Variants in METTL15 observed in about 807,000 individuals in gnomAD.
METTL15 encodes methyltransferase 15, mitochondrial 12S rRNA N4-cytidine.
METTL15 carries 34 observed loss-of-function variants against 38.3 expected under a neutral mutation model. That is an observed-to-expected ratio of 0.89 (90% CI 0.68 to 1.18). The LOEUF (loss-of-function observed/expected upper bound fraction) is 1.18, where lower values mean the gene tolerates loss of function less well. Among genes scored for constraint, METTL15 ranks in the 50% most tolerant of loss-of-function variants. METTL15 has a pLI of 0.00. For synonymous variants in METTL15, 162 were observed against 170.9 expected (o/e 0.95, Z 0.41); for missense variants, 438 against 498.4 (o/e 0.88, Z 1.15).
At chr11:28,232,103 A>C (rs776140795) in intron 4 of METTL15, among the ~76,000 whole-genome samples, 1 of 151,780 alleles carries the variant, frequency 6.6e-6, no homozygotes, top group Non-Finnish European at 1.5e-5. Context: ...TATCCAGACT[A>C]CTCTTTAAAA....
At chr11:28,265,306 A>C (rs1474535724) in intron 4 of METTL15, among the ~76,000 whole-genome samples, 1 of 151,674 alleles carries the variant, frequency 6.6e-6, no homozygotes, top group Non-Finnish European at 1.5e-5. Context: ...TCAGCTACTC[A>C]ATTAAACTGG....
intron 5 of METTL15, among the ~76,000 whole-genome samples, chr11:28,423,350 AC>A (rs887188743): frequency 2.6e-5 from 4 of 151,874 alleles, no homozygotes; most frequent in South Asian, 2.1e-4. Flanking sequence ...CTAGGTAGAT[AC>A]CCCCCCAAAA....
At chr11:28,369,206 A>G (rs1850219299) in intron 5 of METTL15, among the ~76,000 whole-genome samples, 4 of 152,062 alleles carry the variant, frequency 2.6e-5, no homozygotes, top group Admixed American at 2.0e-4. Context: ...ATCAAGCAGA[A>G]GAAAGAATCA....
chr11:28,135,142 A>G (rs1409856301), intron 3 of METTL15, among the ~76,000 whole-genome samples: 3 of 152,228 alleles, frequency 2.0e-5, no homozygotes, highest in East Asian at 1.9e-4. Flanking sequence ...AATAACAGGT[A>G]TATGATAAGT....
At chr11:28,457,399 T>C (rs184569378) in intron 6 of METTL15, among the ~76,000 whole-genome samples, 216 of 152,342 alleles carry the variant, frequency 1.4e-3, no homozygotes, top group Non-Finnish European at 2.0e-3. Flanking sequence ...TATGAGAAGA[T>C]CATGACAATA....
At chr11:28,399,849 T>A (rs1009639636) in intron 5 of METTL15, among the ~76,000 whole-genome samples, 2 of 151,946 alleles carry the variant, frequency 1.3e-5, no homozygotes, top group Non-Finnish European at 2.9e-5. Flanking sequence ...AAAGTCCTTT[T>A]CTAAACTTTT....
At chr11:28,474,990 ATCC>A (rs1378116215) in intron 6 of METTL15, among the ~76,000 whole-genome samples, 2 of 152,178 alleles carry the variant, frequency 1.3e-5, no homozygotes, top group Non-Finnish European at 2.9e-5. Flanking sequence ...GAGGTCCTCA[ATCC>A]TCTCTCTCTC....
At chr11:28,113,105 A>G (rs1473653972) in intron 2 of METTL15, among the ~76,000 whole-genome samples, 1 of 152,112 alleles carries the variant, frequency 6.6e-6, no homozygotes, top group Admixed American at 6.6e-5. Context: ...ATTGTATTTA[A>G]ATTATGTTTA....
chr11:28,459,157 TG>T lies in METTL15; in HGVS notation c.*424+34795del, dbSNP rs568297412. On this transcript the variant is annotated intron_variant and NMD_transcript_variant, in intron 6 of 7. Coordinates refer to the METTL15 transcript ENST00000532947. The stretch of plus-strand genomic sequence containing the variant: ...ATCTTTTGGTATTTCCTATCCAAAA[TG>T]GTAATTCAGCAAGCAAATTAATTGC... Among the ~76,000 whole-genome samples, 299 of 152,298 alleles carry T rather than the reference TG, an allele frequency of 2.0e-3. 1 individual carries two copies. Among genetic ancestry groups the T allele is most frequent in the Non-Finnish European group, 3.8e-3 (256 of 68,010 alleles).
chr11:28,287,711 A>G (rs1343247792), intron 4 of METTL15: 1 of 152,790 alleles, frequency 6.5e-6, no homozygotes, highest in Non-Finnish European at 1.5e-5. Flanking sequence ...CCTAGCCACA[A>G]GTTTCTCTCC....
intron 3 of METTL15, among the ~76,000 whole-genome samples, chr11:28,181,298 T>G (rs1166990497): frequency 7.3e-6 from 1 of 136,106 alleles, no homozygotes; most frequent in African/African-American, 2.6e-5. Context: ...GGGGTATACA[T>G]GCAGAACGTG....
At chr11:28,351,423 A>G (rs867524633) in intron 3 of METTL15, among the ~76,000 whole-genome samples, 3 of 152,160 alleles carry the variant, frequency 2.0e-5, no homozygotes, top group South Asian at 4.1e-4. Flanking sequence ...GCCCAAAGCT[A>G]TGAATTCAGA....
intron 4 of METTL15, among the ~76,000 whole-genome samples, chr11:28,213,084 C>T (rs568171155): frequency 3.7e-4 from 57 of 152,222 alleles, no homozygotes; most frequent in Middle Eastern, 3.4e-3. Flanking sequence ...GACAGACCTG[C>T]GACATGTATT....
chr11:28,227,014 G>C (rs1041829814), intron 4 of METTL15, among the ~76,000 whole-genome samples: 2 of 151,798 alleles, frequency 1.3e-5, no homozygotes, highest in Admixed American at 6.6e-5. Context: ...AAAACATTAC[G>C]AAAATAGGAT....
rs1590844925 is a variant in METTL15 at position 28,163,816 on chromosome 11, C to A, written c.271-47246C>A. The A allele has an allele frequency of 2.3e-5, 4 of 177,028 alleles. No individual in the cohort carries two copies. The East Asian group carries it at 5.5e-4, about 24-fold the overall frequency. The allele number at this position is 177,028 out of a possible 1,614,324, so 11.0% of individuals were successfully genotyped here. A position where few individuals can be genotyped will look rare whatever the true frequency, so the allele number is the denominator to read the frequency against. Reference sequence around the variant, plus strand: ...TCTTTGATCATTAAAGTAGGAACCTCAATTTGAAAACTTGCCACAACTGAA... The same window carrying A: ...TCTTTGATCATTAAAGTAGGAACCTAAATTTGAAAACTTGCCACAACTGAA... On this transcript the variant is annotated intron_variant, in intron 3 of 6. Coordinates refer to ENST00000407364, the MANE Select transcript of METTL15 (RefSeq NM_001113528.2).
At chr11:28,148,968 A>C (rs1369037787) in intron 3 of METTL15, among the ~76,000 whole-genome samples, 1 of 151,982 alleles carries the variant, frequency 6.6e-6, no homozygotes, top group Admixed American at 6.6e-5. Context: ...ACTGCGTTAA[A>C]AGGATGGGAA....
At chr11:28,392,339 T>G (rs889637974) in intron 5 of METTL15, among the ~76,000 whole-genome samples, 2 of 152,062 alleles carry the variant, frequency 1.3e-5, no homozygotes, top group East Asian at 1.9e-4. Context: ...CAAAACAAGT[T>G]ATAAGGCTAA....
intron 6 of METTL15, among the ~76,000 whole-genome samples, chr11:28,307,238 TCTC>T (rs1266280233): frequency 6.6e-6 from 1 of 151,924 alleles, no homozygotes; most frequent in Non-Finnish European, 1.5e-5. Flanking sequence ...ACTTCTTACC[TCTC>T]CTAATACATA....
intron 3 of METTL15, among the ~76,000 whole-genome samples, chr11:28,207,277 C>T (rs969251799): frequency 3.9e-5 from 6 of 151,976 alleles, no homozygotes; most frequent in Non-Finnish European, 7.4e-5. Flanking sequence ...TTTTGAGATA[C>T]GTCCCATCAA....
Sources: gnomAD v4.1 joint callset for allele counts (sites outside exome capture counted in the v4.1 genomes callset) on GRCh38, gnomAD v4.1.1 for gene constraint, MANE v1.5 for transcripts, NCBI Gene and HGNC (gene_info 2026-07-23, HGNC 2026-07-21) for gene names.